LGSN: variants seen among roughly 807,000 people sequenced by gnomAD.
LGSN encodes lengsin.
In LGSN, 21 loss-of-function variants were observed where a neutral mutation model predicts 19.5. The observed-to-expected ratio is 1.07, with a 90% CI of 0.76 to 1.55. LGSN has a LOEUF of 1.55. Among genes scored for constraint, LGSN ranks in the 40% most tolerant of loss-of-function variants. The pLI is 0.00. For missense variants in LGSN, 673 were observed against 608.5 expected (o/e 1.11, Z -1.12); for synonymous variants, 257 against 215.6 (o/e 1.19, Z -1.68).
chr6:63,547,192 T>G, the LGSN span, among the ~76,000 whole-genome samples: 1 of 150,254 alleles, frequency 6.7e-6, no homozygotes. Context: ...GGGGAATTTT[T>G]TTTTTTTTTT....
At position 63,281,304 on chromosome 6, in the gene LGSN, AATATATAT is replaced by A. The variant is rs1223943140; in HGVS notation, c.331-92_331-85del. On this transcript the variant is annotated intron_variant, in intron 3 of 3. Coordinates refer to ENST00000370657, the MANE Select transcript of LGSN (RefSeq NM_016571.3). ...GCGGCGGGAAAGCCTTGCTAATGAA[AATATATAT>A]ATATATATATATATATATAATAAAT... The A allele has an allele frequency of 8.1e-5, 11 of 135,776 alleles. 1 individual carries two copies. Among genetic ancestry groups the A allele is most frequent in the Non-Finnish European group, 1.6e-4 (11 of 70,580 alleles). The allele number at this position is 135,776 out of a possible 1,614,324, so 8.4% of individuals were successfully genotyped here.
At chr6:63,482,969 G>A in the LGSN span, among the ~76,000 whole-genome samples, 13 of 152,148 alleles carry the variant, frequency 8.5e-5, no homozygotes, top group South Asian at 2.1e-4. Flanking sequence ...CCAAAGTGCC[G>A]GGATTACAGG....
At chr6:63,357,266 T>C in the LGSN span, among the ~76,000 whole-genome samples, 19,815 of 152,122 alleles carry the variant, frequency 0.13, 2,850 homozygotes, top group African/African-American at 0.36. Context: ...AAGACTTTGC[T>C]ATTGTGAATA....
the LGSN span, among the ~76,000 whole-genome samples, chr6:63,393,718 CT>C: frequency 6.6e-6 from 1 of 152,226 alleles, no homozygotes; most frequent in African/African-American, 2.4e-5. Context: ...AGTCCCCTCT[CT>C]CTCAAGAGGC....
the LGSN span, among the ~76,000 whole-genome samples, chr6:63,452,383 G>A: frequency 6.6e-6 from 1 of 151,994 alleles, no homozygotes; most frequent in South Asian, 2.1e-4. Context: ...GGAGTTGCTG[G>A]GATTACAGGC....
chr6:63,406,204 C>A, the LGSN span, among the ~76,000 whole-genome samples: 1 of 152,168 alleles, frequency 6.6e-6, no homozygotes, highest in African/African-American at 2.4e-5. Context: ...AACTCTCCAC[C>A]CCAAATCAAC....
the LGSN span, among the ~76,000 whole-genome samples, chr6:63,363,815 G>A: frequency 2.0e-5 from 3 of 152,140 alleles, 1 homozygote; most frequent in Non-Finnish European, 4.4e-5. Flanking sequence ...ACCTAGCAAA[G>A]CAGGCCAAAT....
At chr6:63,521,704 A>T in the LGSN span, 1 of 152,212 alleles carries the variant, frequency 6.6e-6, no homozygotes, top group African/African-American at 2.4e-5. Flanking sequence ...ACAGTAACTC[A>T]TTAACAGATA....
At position 63,284,324 on chromosome 6, in the gene LGSN, A is replaced by G. The variant is rs937987609; in HGVS notation, c.330+1263T>C. Among the ~76,000 whole-genome samples the G allele has an allele frequency of 3.3e-5, 5 of 152,176 alleles. No homozygotes were observed. In the East Asian group the frequency reaches 5.8e-4, roughly 18 times the overall value. ...TTTCTCTAGCTAAACTCAAGGAATA[A>G]AAGTGTTTTTTGTATGTGGGATATT... On this transcript the variant is annotated intron_variant, in intron 3 of 3. Transcript: ENST00000370657.
chr6:63,361,348 G>T, the LGSN span, among the ~76,000 whole-genome samples: 1,368 of 152,158 alleles, frequency 9.0e-3, 9 homozygotes, highest in Non-Finnish European at 0.015. Flanking sequence ...CTCAAGCCTC[G>T]GCAATGGTGG....
the LGSN span, among the ~76,000 whole-genome samples, chr6:63,380,184 T>C: frequency 4.6e-5 from 7 of 152,338 alleles, no homozygotes; most frequent in African/African-American, 1.7e-4. Flanking sequence ...CTTTTAGTCA[T>C]TTACAGGGTT....
chr6:63,315,618 CTGTGTGTGTG>C lies in LGSN; in HGVS notation c.30+4286_30+4295del, dbSNP rs10601946. On this transcript the variant is annotated intron_variant, in intron 1 of 3. Transcript: ENST00000370657. ...GCTAAAATGTTCTCTCTCTCTCTCT[CTGTGTGTGTG>C]TGTGTGTGTGTGTGTGTGTGTGTGT... Among the ~76,000 whole-genome samples the C allele has an allele frequency of 6.2e-4, 86 of 138,158 alleles. 1 individual carries two copies. The South Asian group carries it at 0.017, about 27-fold the overall frequency. The allele number at this position is 138,158 out of a possible 152,430, so 90.6% of individuals were successfully genotyped here.
At chr6:63,454,624 A>G in the LGSN span, among the ~76,000 whole-genome samples, 10 of 151,220 alleles carry the variant, frequency 6.6e-5, no homozygotes, top group Non-Finnish European at 1.0e-4. Flanking sequence ...GGCGCCCGCC[A>G]CCATCCCCGG....
chr6:63,293,475 A>G (rs915711082), intron 2 of LGSN, among the ~76,000 whole-genome samples: 14 of 152,224 alleles, frequency 9.2e-5, no homozygotes, highest in Non-Finnish European at 1.9e-4. Flanking sequence ...TTCCAGATGA[A>G]CAGCCTAAAG....
chr6:63,497,479 C>T, the LGSN span, among the ~76,000 whole-genome samples: 4 of 151,990 alleles, frequency 2.6e-5, no homozygotes, highest in Non-Finnish European at 5.9e-5. Context: ...CTTGAACCCG[C>T]GAGGTGGAGG....
chr6:63,424,050 CGAAA>C, the LGSN span, among the ~76,000 whole-genome samples: 1 of 151,404 alleles, frequency 6.6e-6, no homozygotes, highest in Non-Finnish European at 1.5e-5. Flanking sequence ...AAAAGCAAAA[CGAAA>C]GAAAGAAAGA....
At chr6:63,400,670 C>A in the LGSN span, among the ~76,000 whole-genome samples, 12 of 152,212 alleles carry the variant, frequency 7.9e-5, no homozygotes, top group African/African-American at 2.7e-4. Context: ...GTTCTCCAAT[C>A]ATCCAAAAAA....
the LGSN span, among the ~76,000 whole-genome samples, chr6:63,355,564 C>T: frequency 1.3e-5 from 2 of 151,634 alleles, no homozygotes; most frequent in Admixed American, 1.3e-4. Context: ...TCCACAGAGC[C>T]ATGCTGTCTC....
chr6:63,432,025 A>G, the LGSN span, among the ~76,000 whole-genome samples: 61 of 150,904 alleles, frequency 4.0e-4, no homozygotes, highest in Non-Finnish European at 7.8e-4. Flanking sequence ...GCAGTGAGCA[A>G]AGATCATGCC....
Sources: gnomAD v4.1 joint callset for allele counts (sites outside exome capture counted in the v4.1 genomes callset) on GRCh38, gnomAD v4.1.1 for gene constraint, MANE v1.5 for transcripts, NCBI Gene and HGNC (gene_info 2026-07-23, HGNC 2026-07-21) for gene names.